Variants in LRRC4C observed in about 807,000 individuals in gnomAD.
LRRC4C encodes the protein leucine rich repeat containing 4C.
LRRC4C carries 5 observed loss-of-function variants against 33.6 expected under a neutral mutation model. That is an observed-to-expected ratio of 0.15 (90% CI 0.08 to 0.31). LRRC4C has a LOEUF of 0.31. LRRC4C is among the 10% of genes least tolerant of loss of function. The pLI is 1.00. For missense variants in LRRC4C, 560 were observed against 796.7 expected (o/e 0.70, Z 3.58); for synonymous variants, 329 against 302.0 (o/e 1.09, Z -0.93).
intron 5 of LRRC4C, among the ~76,000 whole-genome samples, chr11:40,234,423 T>C (rs997158908): frequency 3.6e-4 from 55 of 152,106 alleles, no homozygotes; most frequent in African/African-American, 1.3e-3. Context: ...AGTTCACCTA[T>C]CTAGTAAGAG....
intron 2 of LRRC4C, among the ~76,000 whole-genome samples, chr11:40,688,597 C>T (rs1482094805): frequency 6.6e-6 from 1 of 151,986 alleles, no homozygotes; most frequent in East Asian, 1.9e-4. Context: ...GGCTGAGAGT[C>T]CGATTGCTGC....
chr11:40,666,545 A>T (rs917508294), intron 2 of LRRC4C, among the ~76,000 whole-genome samples: 1 of 152,138 alleles, frequency 6.6e-6, no homozygotes, highest in Non-Finnish European at 1.5e-5. Context: ...TATGTTTGCA[A>T]TGTCTCAAAA....
intron 3 of LRRC4C, among the ~76,000 whole-genome samples, chr11:40,497,040 T>C (rs985148854): frequency 6.6e-6 from 1 of 152,140 alleles, no homozygotes; most frequent in African/African-American, 2.4e-5. Context: ...TCTTGATCCA[T>C]TGTTTTGAAA....
chr11:40,745,885 T>G (rs924179397), intron 2 of LRRC4C, among the ~76,000 whole-genome samples: 1 of 152,188 alleles, frequency 6.6e-6, no homozygotes, highest in Non-Finnish European at 1.5e-5. Flanking sequence ...AAAATATATT[T>G]TAGTTATGCA....
intron 3 of LRRC4C, among the ~76,000 whole-genome samples, chr11:40,538,582 G>T (rs1000389154): frequency 2.6e-5 from 4 of 152,068 alleles, no homozygotes; most frequent in Non-Finnish European, 5.9e-5. Flanking sequence ...GAATAGTGCC[G>T]CAATAAACAT....
chr11:41,013,124 C>T (rs1855329708), intron 1 of LRRC4C, among the ~76,000 whole-genome samples: 1 of 152,088 alleles, frequency 6.6e-6, no homozygotes, highest in African/African-American at 2.4e-5. Context: ...CACATAGTTC[C>T]TTTGGGGACA....
intron 1 of LRRC4C, among the ~76,000 whole-genome samples, chr11:41,393,513 C>T (rs1953685316): frequency 6.6e-6 from 1 of 151,836 alleles, no homozygotes; most frequent in African/African-American, 2.4e-5. Context: ...GCAGCAATCA[C>T]TCTTTCAGAT....
intron 1 of LRRC4C, among the ~76,000 whole-genome samples, chr11:41,181,040 T>C (rs1172384132): frequency 2.0e-5 from 3 of 152,116 alleles, no homozygotes; most frequent in African/African-American, 4.8e-5. Flanking sequence ...GTTTTAAGAA[T>C]GTTGGTAATT....
At chr11:40,799,061 A>T (rs1488688282) in intron 2 of LRRC4C, among the ~76,000 whole-genome samples, 1 of 152,240 alleles carries the variant, frequency 6.6e-6, no homozygotes, top group Non-Finnish European at 1.5e-5. Context: ...CTTTGCATAT[A>T]GGTAGCAACA....
At chr11:40,246,326 G>A (rs1866336806) in intron 4 of LRRC4C, among the ~76,000 whole-genome samples, 1 of 152,086 alleles carries the variant, frequency 6.6e-6, no homozygotes, top group African/African-American at 2.4e-5. Flanking sequence ...AAGACAATAA[G>A]TAGAATTGGT....
intron 2 of LRRC4C, among the ~76,000 whole-genome samples, chr11:40,868,204 A>T (rs1954466328): frequency 6.6e-6 from 1 of 152,100 alleles, no homozygotes; most frequent in Non-Finnish European, 1.5e-5. Context: ...GGGTTGGGGG[A>T]GAGAAGGGAT....
At chr11:40,910,434 A>G (rs1318499503) in intron 2 of LRRC4C, among the ~76,000 whole-genome samples, 1 of 152,232 alleles carries the variant, frequency 6.6e-6, no homozygotes, top group Non-Finnish European at 1.5e-5. Flanking sequence ...ACACATATGC[A>G]ATGCAGCAAT....
chr11:40,748,159 G>T (rs1948517298), intron 2 of LRRC4C, among the ~76,000 whole-genome samples: 1 of 152,054 alleles, frequency 6.6e-6, no homozygotes, highest in Non-Finnish European at 1.5e-5. Flanking sequence ...AACCACAAGA[G>T]AAATGACCTA....
intron 5 of LRRC4C, among the ~76,000 whole-genome samples, chr11:40,229,079 A>G (rs1399129930): frequency 6.6e-6 from 1 of 152,186 alleles, no homozygotes; most frequent in Non-Finnish European, 1.5e-5. Flanking sequence ...CTCAGAAAGT[A>G]ATAACTCATT....
chr11:40,877,774 A>G (rs1414681958), intron 2 of LRRC4C, among the ~76,000 whole-genome samples: 1 of 152,146 alleles, frequency 6.6e-6, no homozygotes, highest in East Asian at 1.9e-4. Flanking sequence ...AACAACAACA[A>G]CAACAACAAA....
rs967059471 is a variant in LRRC4C, at chr11:40,363,527, T to C, written c.-269-43806A>G. On this transcript the variant is annotated intron_variant, in intron 3 of 6. Transcript: ENST00000528697. The stretch of plus-strand genomic sequence containing the variant: ...AATCCCAATGACTCACGTTTATCTA[T>C]GTAACAAATCTGCACATGAACCCAG... Among the ~76,000 whole-genome samples, 6 of 152,066 alleles carry C rather than the reference T, an allele frequency of 3.9e-5. No homozygotes were observed. The South Asian group carries it at 1.2e-3, about 32-fold the overall frequency.
chr11:41,005,907 T>C (rs978384911), intron 1 of LRRC4C, among the ~76,000 whole-genome samples: 2 of 152,136 alleles, frequency 1.3e-5, no homozygotes, highest in African/African-American at 4.8e-5. Context: ...TAATGTTTCC[T>C]GGTCCCTTCA....
chr11:40,968,715 T>A (rs893646407), intron 1 of LRRC4C, among the ~76,000 whole-genome samples: 1 of 152,172 alleles, frequency 6.6e-6, no homozygotes, highest in African/African-American at 2.4e-5. Context: ...GTTTACAGCA[T>A]GGTTTATGGA....
At chr11:40,966,624 A>T (rs539586111) in intron 1 of LRRC4C, among the ~76,000 whole-genome samples, 1 of 152,064 alleles carries the variant, frequency 6.6e-6, no homozygotes, top group African/African-American at 2.4e-5. Flanking sequence ...TGCACACTTG[A>T]TGGAAGATAC....
Sources: gnomAD v4.1 joint callset for allele counts (sites outside exome capture counted in the v4.1 genomes callset) on GRCh38, gnomAD v4.1.1 for gene constraint, MANE v1.5 for transcripts, NCBI Gene and HGNC (gene_info 2026-07-23, HGNC 2026-07-21) for gene names.